Variants in ADAM22 observed in about 807,000 individuals in gnomAD.
The protein encoded by ADAM22 is ADAM metallopeptidase domain 22, also known as disintegrin and metalloproteinase domain-containing protein 22.
A neutral mutation model predicts 144.6 loss-of-function variants in ADAM22; 65 were observed. The observed-to-expected ratio is 0.45, with a 90% CI of 0.37 to 0.55. The LOEUF is 0.55. Ranked by LOEUF, ADAM22 falls within the 20% of genes least tolerant of loss-of-function variation. The probability of loss-of-function intolerance (pLI) is 0.00; values close to 1 mark genes in which losing one functional copy is unlikely to be tolerated. For missense variants in ADAM22, 974 were observed against 1,184.9 expected (o/e 0.82, Z 2.61); for synonymous variants, 391 against 412.6 (o/e 0.95, Z 0.63).
intron 8 of ADAM22, among the ~76,000 whole-genome samples, chr7:88,125,869 T>C (rs531915540): frequency 5.8e-4 from 89 of 152,176 alleles, no homozygotes; most frequent in African/African-American, 2.0e-3. Context: ...ATAGTGGTGA[T>C]AATATGTTTC....
chr7:88,047,584 C>T (rs1804999550), intron 3 of ADAM22, among the ~76,000 whole-genome samples: 1 of 152,054 alleles, frequency 6.6e-6, no homozygotes. Flanking sequence ...AGCACACAGG[C>T]ATGTTTTGGA....
intron 5 of ADAM22, among the ~76,000 whole-genome samples, chr7:88,108,672 T>G (rs577000883): frequency 1.1e-4 from 16 of 151,852 alleles, no homozygotes; most frequent in African/African-American, 3.9e-4. Context: ...AAGGTTGCAG[T>G]GAGCCAAGAC....
At chr7:88,191,469 T>C (rs1011567298) in intron 30 of ADAM22, among the ~76,000 whole-genome samples, 2 of 152,238 alleles carry the variant, frequency 1.3e-5, no homozygotes, top group African/African-American at 4.8e-5. Context: ...ATTTTATCAG[T>C]AGTGATTAGG....
At chr7:87,972,787 C>T (rs993130935) in intron 2 of ADAM22, among the ~76,000 whole-genome samples, 13 of 152,072 alleles carry the variant, frequency 8.5e-5, no homozygotes, top group African/African-American at 2.9e-4. Flanking sequence ...GAAATAACAC[C>T]GCATATCTAC....
At chr7:88,105,728 C>T (rs1298222161) in intron 4 of ADAM22, among the ~76,000 whole-genome samples, 1 of 152,160 alleles carries the variant, frequency 6.6e-6, no homozygotes, top group East Asian at 1.9e-4. Flanking sequence ...CCCTACTTGG[C>T]AACTCCCCAG....
chr7:88,114,858 A>G (rs1276606849), intron 6 of ADAM22, among the ~76,000 whole-genome samples: 4 of 152,210 alleles, frequency 2.6e-5, no homozygotes, highest in Non-Finnish European at 4.4e-5. Context: ...AACGTATTTA[A>G]TACCCTGATA....
intron 3 of ADAM22, among the ~76,000 whole-genome samples, chr7:88,056,421 A>AT (rs1319774224): frequency 5.9e-5 from 9 of 152,236 alleles, no homozygotes; most frequent in Non-Finnish European, 4.4e-5. Flanking sequence ...GTAGCTTAAC[A>AT]TGAAGCCTTA....
chr7:87,988,551 A>G (rs979375876), intron 3 of ADAM22, among the ~76,000 whole-genome samples: 3 of 152,194 alleles, frequency 2.0e-5, no homozygotes, highest in African/African-American at 7.2e-5. Context: ...TTCCATATTA[A>G]TTGTATATTT....
chr7:88,113,652 A>T (rs924363869), intron 5 of ADAM22, among the ~76,000 whole-genome samples: 1 of 123,578 alleles, frequency 8.1e-6, no homozygotes, highest in Non-Finnish European at 1.6e-5. Context: ...ATGTATGTGT[A>T]TGTGTGTGTG....
At chr7:88,111,143 T>G (rs919190952) in intron 5 of ADAM22, among the ~76,000 whole-genome samples, 1 of 152,152 alleles carries the variant, frequency 6.6e-6, no homozygotes, top group African/African-American at 2.4e-5. Flanking sequence ...ATGACCATTT[T>G]AGGCTTTCTT....
intron 3 of ADAM22, among the ~76,000 whole-genome samples, chr7:88,067,022 C>A (rs997210200): frequency 1.3e-5 from 2 of 152,116 alleles, no homozygotes; most frequent in Non-Finnish European, 2.9e-5. Flanking sequence ...AATAATTCAA[C>A]ATTAAGTGCC....
chr7:88,066,052 T>G (rs1811167166), intron 3 of ADAM22, among the ~76,000 whole-genome samples: 2 of 152,146 alleles, frequency 1.3e-5, no homozygotes, highest in Admixed American at 1.3e-4. Flanking sequence ...TTTGAAAAAT[T>G]GCTTTATCAG....
At chr7:87,946,283 T>C (rs1440508072) in intron 2 of ADAM22, among the ~76,000 whole-genome samples, 1 of 152,182 alleles carries the variant, frequency 6.6e-6, no homozygotes, top group Non-Finnish European at 1.5e-5. Context: ...ACACTTTCAT[T>C]GGATGCATAG....
intron 4 of ADAM22, among the ~76,000 whole-genome samples, chr7:88,093,314 G>T (rs982890416): frequency 6.6e-6 from 1 of 151,490 alleles, no homozygotes; most frequent in Non-Finnish European, 1.5e-5. Flanking sequence ...TTATTCCCTT[G>T]GTGTTGTCAT....
intron 3 of ADAM22, among the ~76,000 whole-genome samples, chr7:88,020,465 G>T (rs1474025042): frequency 6.6e-6 from 1 of 152,142 alleles, no homozygotes; most frequent in African/African-American, 2.4e-5. Flanking sequence ...TTTGCCAAGG[G>T]GATGGGTTTT....
At chr7:87,977,574 G>T (rs1377630265) in intron 2 of ADAM22, among the ~76,000 whole-genome samples, 5 of 152,178 alleles carry the variant, frequency 3.3e-5, no homozygotes, top group Admixed American at 2.6e-4. Flanking sequence ...CATATTTGGT[G>T]AGTCGAATGG....
chr7:88,192,984 C>A, intron 30 of ADAM22, 132 bp from the exon 31 acceptor site: 3 of 1,029,110 alleles, frequency 2.9e-6, no homozygotes, highest in Non-Finnish European at 4.2e-6. Context: ...AATATCTTCC[C>A]AGTAGTTAAA....
chr7:88,060,571 C>G (rs965283453), intron 3 of ADAM22, among the ~76,000 whole-genome samples: 3 of 149,180 alleles, frequency 2.0e-5, no homozygotes, highest in African/African-American at 7.4e-5. Flanking sequence ...GAGATCGAAA[C>G]CATCCTGGCT....
chr7:88,127,083 A>C (rs1254432970), intron 8 of ADAM22, among the ~76,000 whole-genome samples: 1 of 151,680 alleles, frequency 6.6e-6, no homozygotes, highest in East Asian at 1.9e-4. Context: ...CTCATATATA[A>C]ACATATGTGT....
Sources: gnomAD v4.1 joint callset for allele counts (sites outside exome capture counted in the v4.1 genomes callset) on GRCh38, gnomAD v4.1.1 for gene constraint, MANE v1.5 for transcripts, NCBI Gene and HGNC (gene_info 2026-07-23, HGNC 2026-07-21) for gene names.